Variants in CCAR1 observed in about 807,000 individuals in gnomAD.
CCAR1 encodes the protein cell division cycle and apoptosis regulator 1.
CCAR1 carries 78 observed loss-of-function variants against 163.8 expected under a neutral mutation model. That is an observed-to-expected ratio of 0.48 (90% CI 0.40 to 0.57). The LOEUF (loss-of-function observed/expected upper bound fraction) is 0.57. Among genes scored for constraint, CCAR1 ranks in the 20% least tolerant of loss-of-function variants. The pLI, the probability that CCAR1 is intolerant of heterozygous loss-of-function variation, is 0.00. For synonymous variants in CCAR1, 443 were observed against 460.7 expected (o/e 0.96, Z 0.49); for missense variants, 1,019 against 1,365.2 (o/e 0.75, Z 4.00).
Position 68,737,326 on chromosome 10 carries a change from G to C in CCAR1, c.246+278G>C, listed in dbSNP as rs530868048. ...TTGAGACCAGCCTGTGCAACGTGGTGAGACAGCGTCTGCAGAAAACACGAG... is the reference window on the plus strand; with the variant it reads ...TTGAGACCAGCCTGTGCAACGTGGTCAGACAGCGTCTGCAGAAAACACGAG... On this transcript the variant is annotated intron_variant, in intron 3 of 24. Transcript: ENST00000265872. Among the ~76,000 whole-genome samples, 154 of 152,044 alleles carry C rather than the reference G, an allele frequency of 1.0e-3. 1 individual carries two copies. The highest frequency in any genetic ancestry group is 3.6e-3 in the African/African-American group (150 of 41,482).
chr10:68,766,064 A>G lies in CCAR1; in HGVS notation c.2283A>G (p.Lys761=). 2.5e-6 allele frequency: 4 copies of G among 1,607,462 alleles called. No homozygotes were observed. The highest frequency in any genetic ancestry group is 3.4e-6 in the Non-Finnish European group (4 of 1,174,494). Residue 761 remains lysine (K), a synonymous_variant, in exon 17 of 25, where the codon AAA becomes AAG. Transcript: ENST00000265872. Reference sequence around the variant, plus strand: ...TGGACTACAGATTAGAGGATAATAAAGAACATTCATTTGAGGTAATGTTTT... The same window carrying G: ...TGGACTACAGATTAGAGGATAATAAGGAACATTCATTTGAGGTAATGTTTT... ...VLLDYRLEDN[K]EHSFEVSLFA...
At chr10:68,770,078 C>G (rs2056583758) in intron 17 of CCAR1, among the ~76,000 whole-genome samples, 1 of 152,018 alleles carries the variant, frequency 6.6e-6, no homozygotes, top group South Asian at 2.1e-4. Flanking sequence ...GAATTTTCTT[C>G]TAGATACCAA....
chr10:68,771,616 C>T (rs1348772281), intron 18 of CCAR1, among the ~76,000 whole-genome samples, 171 bp downstream of exon 18: 2 of 151,932 alleles, frequency 1.3e-5, no homozygotes, highest in Non-Finnish European at 2.9e-5. Context: ...ACCTCGTCTC[C>T]ACTAAAGATC....
chr10:68,758,208 C>A (rs926017164), intron 15 of CCAR1, among the ~76,000 whole-genome samples: 2 of 151,922 alleles, frequency 1.3e-5, no homozygotes, highest in Non-Finnish European at 2.9e-5. Flanking sequence ...GCACGTACAA[C>A]CATGCCAGGC....
At chr10:68,760,083 T>C (rs2056449426) in intron 15 of CCAR1, among the ~76,000 whole-genome samples, 1 of 152,150 alleles carries the variant, frequency 6.6e-6, no homozygotes, top group Admixed American at 6.6e-5. Context: ...CCTTCCACCT[T>C]GGACTCCAAA....
chr10:68,721,831 G>A (rs2055862400), intron 1 of CCAR1, among the ~76,000 whole-genome samples: 1 of 152,184 alleles, frequency 6.6e-6, no homozygotes, highest in Admixed American at 6.5e-5. Context: ...TGCACGGGCG[G>A]AGAATCTTCG....
intron 17 of CCAR1, among the ~76,000 whole-genome samples, 176 bp downstream of exon 17, chr10:68,766,255 T>A (rs1030687361): frequency 6.6e-6 from 1 of 152,012 alleles, no homozygotes; most frequent in African/African-American, 2.4e-5. Flanking sequence ...CATGCTGGAG[T>A]GCATTGGCAT....
chr10:68,728,598 A>C (rs1483888489), intron 2 of CCAR1, among the ~76,000 whole-genome samples: 1 of 152,214 alleles, frequency 6.6e-6, no homozygotes, highest in African/African-American at 2.4e-5. Flanking sequence ...GTCATCTGTT[A>C]GGACATTATA....
At chr10:68,770,354 T>G (rs1417687693) in intron 17 of CCAR1, among the ~76,000 whole-genome samples, 9 of 152,228 alleles carry the variant, frequency 5.9e-5, no homozygotes, top group Admixed American at 5.9e-4. Context: ...TCTTCAGTGC[T>G]GTATCCCTAA....
chr10:68,761,276 T>C (rs1359045041), intron 16 of CCAR1, 84 bp downstream of exon 16: 6 of 580,698 alleles, frequency 1.0e-5, no homozygotes, highest in Non-Finnish European at 1.6e-5. Flanking sequence ...TAAGATTATG[T>C]GTGTGTAAGC....
intron 19 of CCAR1, among the ~76,000 whole-genome samples, chr10:68,781,556 T>G (rs1019549188): frequency 6.7e-6 from 1 of 148,366 alleles, no homozygotes; most frequent in Non-Finnish European, 1.5e-5. Flanking sequence ...AAAAAGAAAT[T>G]AGGCCAATTA....
intron 15 of CCAR1, chr10:68,759,434 G>T (rs564438117): frequency 1.3e-5 from 2 of 153,974 alleles, no homozygotes; most frequent in African/African-American, 4.8e-5. Flanking sequence ...ACATATGTGT[G>T]TGTAAGGTTG....
chr10:68,746,089 C>T (rs1204731744), intron 6 of CCAR1, among the ~76,000 whole-genome samples: 2 of 151,360 alleles, frequency 1.3e-5, no homozygotes, highest in African/African-American at 4.9e-5. Flanking sequence ...TCTCCTGCCT[C>T]AGCCTCTCAA....
chr10:68,782,875 T>C (rs1472791843), intron 19 of CCAR1, among the ~76,000 whole-genome samples: 1 of 152,146 alleles, frequency 6.6e-6, no homozygotes, highest in East Asian at 1.9e-4. Flanking sequence ...TTTCAAAATA[T>C]TACTTCTCAC....
intron 6 of CCAR1, among the ~76,000 whole-genome samples, chr10:68,745,189 G>A (rs1043753815): frequency 2.6e-5 from 4 of 151,876 alleles, no homozygotes; most frequent in Non-Finnish European, 4.4e-5. Flanking sequence ...TGTGTTTTTA[G>A]TAGAGACAGG....
chr10:68,783,026 A>G (rs1272248228), intron 19 of CCAR1, among the ~76,000 whole-genome samples: 1 of 130,584 alleles, frequency 7.7e-6, no homozygotes, highest in South Asian at 2.4e-4. Flanking sequence ...TTTTTGAGAC[A>G]GGGTTTCACT....
intron 21 of CCAR1, 136 bp from the exon 22 acceptor site, chr10:68,787,791 C>G: frequency 2.7e-6 from 2 of 728,424 alleles, no homozygotes; most frequent in Non-Finnish European, 4.4e-6. Flanking sequence ...GTCGAGATCA[C>G]ACCACTGCAC....
At chr10:68,725,261 C>G (rs533961409) in intron 2 of CCAR1, among the ~76,000 whole-genome samples, 9 of 152,110 alleles carry the variant, frequency 5.9e-5, no homozygotes, top group African/African-American at 1.7e-4. Flanking sequence ...GTCGGGAGTT[C>G]GAGACCAGCT....
chr10:68,780,222 A>G (rs1211934317), intron 19 of CCAR1, among the ~76,000 whole-genome samples: 1 of 152,146 alleles, frequency 6.6e-6, no homozygotes, highest in Non-Finnish European at 1.5e-5. Flanking sequence ...CTTTTTCAAG[A>G]CAGTCTTATT....
Sources: gnomAD v4.1 joint callset for allele counts (sites outside exome capture counted in the v4.1 genomes callset) on GRCh38, gnomAD v4.1.1 for gene constraint, MANE v1.5 for transcripts, NCBI Gene and HGNC (gene_info 2026-07-23, HGNC 2026-07-21) for gene names.